The following MYO16 variants were observed in gnomAD, a reference collection of about 807,000 sequenced individuals.
MYO16 encodes the protein unconventional myosin-XVI.
A neutral mutation model predicts 205.3 loss-of-function variants in MYO16; 94 were observed. That is an observed-to-expected ratio of 0.46 (90% CI 0.39 to 0.54). The LOEUF is 0.54. Among genes scored for constraint, MYO16 ranks in the 20% least tolerant of loss-of-function variants. MYO16 has a pLI of 0.00. For missense variants in MYO16, 2,315 were observed against 2,387.5 expected (o/e 0.97, Z 0.63); for synonymous variants, 988 against 954.0 (o/e 1.04, Z -0.66).
At chr13:109,059,918 T>A (rs1320061994) in intron 27 of MYO16, among the ~76,000 whole-genome samples, 1 of 152,162 alleles carries the variant, frequency 6.6e-6, no homozygotes, top group East Asian at 1.9e-4. Context: ...CTTTAATCCA[T>A]CTTGAGTCAA....
At chr13:108,794,112 T>C (rs1886707948) in intron 6 of MYO16, among the ~76,000 whole-genome samples, 1 of 152,056 alleles carries the variant, frequency 6.6e-6, no homozygotes, top group South Asian at 2.1e-4. Flanking sequence ...TACTCATAAG[T>C]GGGAGCTAAA....
At chr13:108,641,393 G>A (rs79949315) in intron 1 of MYO16, among the ~76,000 whole-genome samples, 10,375 of 152,176 alleles carry the variant, frequency 0.068, 569 homozygotes, top group African/African-American at 0.15. Context: ...AGGAAAGGCA[G>A]GCACAAATTA....
chr13:108,503,115 T>C, the MYO16 span, among the ~76,000 whole-genome samples: 1 of 152,188 alleles, frequency 6.6e-6, no homozygotes, highest in Non-Finnish European at 1.5e-5. Flanking sequence ...CAGGATGATA[T>C]ATGGGGTTTC....
the MYO16 span, among the ~76,000 whole-genome samples, chr13:108,504,068 T>C: frequency 4.6e-5 from 7 of 152,158 alleles, no homozygotes; most frequent in Non-Finnish European, 7.3e-5. Context: ...AGTACAGTAA[T>C]GTTAACTATG....
At chr13:109,164,778 T>G in intron 32 of MYO16, 123 bp from the exon 33 acceptor site, 1 of 549,764 alleles carries the variant, frequency 1.8e-6, no homozygotes, top group Non-Finnish European at 2.8e-6. Context: ...TATTAAAGAT[T>G]ATTATTATTT....
intron 15 of MYO16, among the ~76,000 whole-genome samples, chr13:108,907,987 C>G (rs1346045921): frequency 1.3e-5 from 2 of 151,890 alleles, no homozygotes; most frequent in African/African-American, 4.8e-5. Context: ...AAAATATCCT[C>G]TTAAGTAGTA....
At chr13:109,206,199 G>A (rs763560853) in intron 34 of MYO16, among the ~76,000 whole-genome samples, 1 of 152,192 alleles carries the variant, frequency 6.6e-6, no homozygotes, top group Non-Finnish European at 1.5e-5. Context: ...TGGAGGAGCA[G>A]CTCCGAGGAT....
chr13:108,997,886 G>A (rs1346394780), intron 21 of MYO16, among the ~76,000 whole-genome samples: 2 of 152,124 alleles, frequency 1.3e-5, no homozygotes, highest in African/African-American at 4.8e-5. Context: ...CTTCAAGCCA[G>A]GCTTTATCTA....
chr13:108,984,079 A>T (rs1884544619), intron 20 of MYO16, among the ~76,000 whole-genome samples: 1 of 152,140 alleles, frequency 6.6e-6, no homozygotes, highest in South Asian at 2.1e-4. Context: ...CAAAGTCTTC[A>T]CTCTGCTCTA....
chr13:108,573,083 G>GT, the MYO16 span, among the ~76,000 whole-genome samples: 1 of 152,174 alleles, frequency 6.6e-6, no homozygotes, highest in Non-Finnish European at 1.5e-5. Flanking sequence ...TTCTCTGGCT[G>GT]TAACTGGCAT....
the MYO16 span, among the ~76,000 whole-genome samples, chr13:108,579,441 A>AT: frequency 0.82 from 114,735 of 139,522 alleles, 49,856 homozygotes; most frequent in East Asian, 0.97. Flanking sequence ...AAAGGCAAGA[A>AT]TTTTTTTTTT....
chr13:108,576,084 G>T, the MYO16 span, among the ~76,000 whole-genome samples: 1 of 152,118 alleles, frequency 6.6e-6, no homozygotes, highest in Non-Finnish European at 1.5e-5. Context: ...CTGGAGACCA[G>T]ATTTGAACAC....
At chr13:108,566,883 A>C in the MYO16 span, among the ~76,000 whole-genome samples, 36 of 152,308 alleles carry the variant, frequency 2.4e-4, no homozygotes, top group African/African-American at 8.2e-4. Context: ...AATGTTTTCT[A>C]CAGGCTATCG....
Position 108,710,079 on chromosome 13 carries a change from G to C in MYO16, c.293-2582G>C, listed in dbSNP as rs1198241111. Among the ~76,000 whole-genome samples, 4 of 77,528 alleles carry C rather than the reference G, an allele frequency of 5.2e-5. 1 individual carries two copies. Among genetic ancestry groups the C allele is most frequent in the Non-Finnish European group, 1.2e-4 (4 of 34,726 alleles). The allele number at this position is 77,528 out of a possible 152,430, so 50.9% of individuals were successfully genotyped here. The stretch of plus-strand genomic sequence containing the variant: ...GAGTGTAGCCCTGCTCTCATTCCTG[G>C]GCATTCCTGTGCAATGTTCTTTATG... On this transcript the variant is annotated intron_variant, in intron 2 of 34. Transcript: ENST00000457511.
At chr13:108,672,597 G>A (rs1333947342) in intron 2 of MYO16, among the ~76,000 whole-genome samples, 1 of 151,966 alleles carries the variant, frequency 6.6e-6, no homozygotes, top group East Asian at 1.9e-4. Context: ...ATTGTTCTGG[G>A]AGTTGGTGAT....
chr13:109,053,035 A>G (rs146808748), intron 25 of MYO16, among the ~76,000 whole-genome samples: 52 of 152,286 alleles, frequency 3.4e-4, no homozygotes, highest in African/African-American at 1.2e-3. Flanking sequence ...AAAGAGAACT[A>G]AAAACTCAGT....
the MYO16 span, among the ~76,000 whole-genome samples, chr13:108,559,388 G>GGC: frequency 6.6e-6 from 1 of 151,970 alleles, no homozygotes; most frequent in African/African-American, 2.4e-5. Context: ...TTGCATTTCC[G>GGC]GCCCCCAGGA....
At chr13:109,023,407 A>C (rs1286223079) in intron 23 of MYO16, among the ~76,000 whole-genome samples, 2 of 87,022 alleles carry the variant, frequency 2.3e-5, no homozygotes, top group African/African-American at 9.6e-5. Flanking sequence ...ATATTTATAT[A>C]TTATACAGAT....
chr13:109,025,102 C>A (rs568614844), intron 23 of MYO16, among the ~76,000 whole-genome samples: 63 of 152,210 alleles, frequency 4.1e-4, no homozygotes, highest in Non-Finnish European at 7.1e-4. Context: ...CTGTTTTGGC[C>A]AGACCGATGG....
Sources: allele counts gnomAD v4.1 joint callset (sites outside exome capture counted in the v4.1 genomes callset), GRCh38; gene constraint gnomAD v4.1.1; transcripts MANE v1.5; gene names NCBI Gene and HGNC (gene_info 2026-07-23, HGNC 2026-07-21).